The following OASL variants were observed in gnomAD, a reference collection of about 807,000 sequenced individuals.
OASL encodes the protein 2'-5'-oligoadenylate synthase-like protein.
OASL carries 28 observed loss-of-function variants against 35.3 expected under a neutral mutation model. The observed-to-expected ratio is 0.79, with a 90% CI of 0.59 to 1.09. The LOEUF is 1.09. OASL is among the 50% of genes least tolerant of loss of function. The pLI is 0.00. For synonymous variants in OASL, 252 were observed against 254.6 expected, an observed-to-expected ratio of 0.99 and a Z score of 0.10; for missense variants, 620 against 635.2, an observed-to-expected ratio of 0.98 and a Z score of 0.26.
chr12:121,029,958 C>T (rs934434778), intron 3 of OASL, among the ~76,000 whole-genome samples: 1 of 152,136 alleles, frequency 6.6e-6, no homozygotes, highest in African/African-American at 2.4e-5. Flanking sequence ...ACTTCACCTC[C>T]GGGGCTCAAG....
At chr12:121,035,056 CAG>C (rs1869895270) in intron 1 of OASL, among the ~76,000 whole-genome samples, 1 of 151,854 alleles carries the variant, frequency 6.6e-6, no homozygotes, top group South Asian at 2.1e-4. Context: ...AGGGAGGCAT[CAG>C]ACCCCCAGAA....
At chr12:121,027,255 G>C (rs1869524909) in intron 4 of OASL, among the ~76,000 whole-genome samples, 1 of 152,166 alleles carries the variant, frequency 6.6e-6, no homozygotes, top group Admixed American at 6.6e-5. Flanking sequence ...ATTTAAACTT[G>C]AGTCTCCAAG....
chr12:121,019,494 C>T (rs1869148620), exon 6 of OASL: 1 of 152,122 alleles, frequency 6.6e-6, no homozygotes, highest in African/African-American at 2.4e-5. Context: ...CTATTATGTA[C>T]TGTTTGTGTA....
intron 5 of OASL, among the ~76,000 whole-genome samples, chr12:121,021,782 G>C (rs1254475935): frequency 6.6e-6 from 1 of 152,144 alleles, no homozygotes; most frequent in Non-Finnish European, 1.5e-5. Flanking sequence ...CTGCACTCCA[G>C]CCTGGGCAAC....
chr12:121,019,513 A>C (rs1168350551), exon 6 of OASL: 2 of 152,172 alleles, frequency 1.3e-5, no homozygotes, highest in Non-Finnish European at 2.9e-5. Context: ...TATGGGTTTT[A>C]GGAGTTGAGG....
intron 3 of OASL, 111 bp downstream of exon 3, chr12:121,031,331 A>G (rs947181815): frequency 7.8e-6 from 8 of 1,028,292 alleles, no homozygotes; most frequent in African/African-American, 1.6e-5. Flanking sequence ...CTCCCTCTCT[A>G]CCTGCTTCCA....
At chr12:121,020,561 C>T (rs545621113) in exon 6 of OASL, 6 of 1,597,036 alleles carry the variant, frequency 3.8e-6, no homozygotes, top group Non-Finnish European at 5.1e-6. Flanking sequence ...CCAGAGAAAA[C>T]TAACTGGCTG....
chr12:121,021,528 T>C (rs536068081), intron 5 of OASL, among the ~76,000 whole-genome samples: 1 of 152,338 alleles, frequency 6.6e-6, no homozygotes, highest in East Asian at 1.9e-4. Context: ...ATATAAGCCT[T>C]GGCTGGGTGC....
chr12:121,022,336 C>T (rs950069181), intron 5 of OASL, among the ~76,000 whole-genome samples: 5 of 152,234 alleles, frequency 3.3e-5, no homozygotes, highest in East Asian at 3.9e-4. Flanking sequence ...CTGCCCACCT[C>T]GGCCTCCCAA....
intron 2 of OASL, among the ~76,000 whole-genome samples, chr12:121,031,890 CT>C (rs1235949029): frequency 2.6e-5 from 4 of 151,842 alleles, no homozygotes; most frequent in Non-Finnish European, 5.9e-5. Context: ...TTTTGTATCT[CT>C]TTCAATACTC....
chr12:121,022,822 T>C (rs1167375754), intron 5 of OASL, among the ~76,000 whole-genome samples: 1 of 152,230 alleles, frequency 6.6e-6, no homozygotes, highest in Non-Finnish European at 1.5e-5. Context: ...TCTTCTCTGG[T>C]GACTTCAGTT....
chr12:121,031,522 C>A lies in OASL; in HGVS notation c.577G>T (p.Glu193Ter), dbSNP rs532428354. The change falls in exon 3 of 6, where the codon GAG (glutamate) becomes TAG (stop). Residue 193 changes from glutamate (E) to a stop codon, truncating the protein, a stop_gained. Transcript: ENST00000257570. LOFTEE classifies it high-confidence loss of function. Reference sequence around the variant, plus strand: ...TGTTTCACGAAATTTCTCTGCAGCTCGCTGAAGGATGGGCAGAAATTTCCA... The same window carrying A: ...TGTTTCACGAAATTTCTCTGCAGCTAGCTGAAGGATGGGCAGAAATTTCCA... 2 of 1,613,944 alleles carry A rather than the reference C, an allele frequency of 1.2e-6. No individual in the cohort carries two copies. The highest frequency in any genetic ancestry group is 3.3e-5 in the Admixed American group (2 of 59,994).
chr12:121,020,458 G>T, exon 6 of OASL: 2 of 1,231,942 alleles, frequency 1.6e-6, no homozygotes, highest in Admixed American at 4.6e-5. Context: ...TGTAAAACTG[G>T]TGAAGACCTG....
exon 3 of OASL, chr12:121,031,611 G>A: frequency 6.2e-7 from 1 of 1,613,112 alleles, no homozygotes; most frequent in Non-Finnish European, 8.5e-7. Flanking sequence ...GTTGGGAAGA[G>A]AAGGCCCTGA....
chr12:121,027,146 C>A (rs867253254), intron 4 of OASL, among the ~76,000 whole-genome samples: 48 of 152,322 alleles, frequency 3.2e-4, no homozygotes, highest in African/African-American at 1.1e-3. Flanking sequence ...CAGATTTTCT[C>A]CAACCCTTAC....
intron 4 of OASL, among the ~76,000 whole-genome samples, chr12:121,025,479 T>G (rs1355731666): frequency 1.3e-5 from 2 of 152,108 alleles, no homozygotes; most frequent in East Asian, 1.9e-4. Context: ...ACACCAGCTC[T>G]TTGAGTGGGG....
rs759583013 is a variant in OASL, at chr12:121,027,436, T to C, written c.899+140A>G. ...CCACCAACTTGAGATGCCAGCTGTG[T>C]TGGTGTGGGAGGTCGATGCTCAACT... On this transcript the variant is annotated intron_variant, in intron 4 of 5. Coordinates refer to ENST00000257570, the Ensembl canonical transcript of OASL. 2.5e-5 allele frequency: 32 copies of C among 1,261,620 alleles called. No individual in the cohort carries two copies. The South Asian group carries it at 3.9e-4, about 15-fold the overall frequency. The allele number at this position is 1,261,620 out of a possible 1,614,324, so 78.2% of individuals were successfully genotyped here.
intron 1 of OASL, among the ~76,000 whole-genome samples, chr12:121,036,213 A>G (rs1869953803): frequency 1.3e-5 from 2 of 152,180 alleles, no homozygotes; most frequent in Non-Finnish European, 2.9e-5. Flanking sequence ...CAGAGAGAAA[A>G]GAACACATCC....
chr12:121,035,533 A>AAAACAAAACAAAACC (rs35393590), intron 1 of OASL, among the ~76,000 whole-genome samples: 7 of 148,508 alleles, frequency 4.7e-5, no homozygotes, highest in Admixed American at 1.3e-4. Flanking sequence ...TAAACAAAAC[A>AAAACAAAACAAAACC]AAACAACAAA....
Sources: allele counts gnomAD v4.1 joint callset (sites outside exome capture counted in the v4.1 genomes callset), GRCh38; gene constraint gnomAD v4.1.1; transcripts MANE v1.5; gene names NCBI Gene and HGNC (gene_info 2026-07-23, HGNC 2026-07-21).